CHD9: variants seen among roughly 807,000 people sequenced by gnomAD.
CHD9 encodes the protein chromodomain helicase DNA binding protein 9, also known as ATP-dependent chromatin remodeler CHD9.
CHD9 carries 77 observed loss-of-function variants against 316.1 expected under a neutral mutation model. The observed-to-expected ratio is 0.24, with a 90% CI of 0.20 to 0.29. CHD9 has a LOEUF of 0.29. Ranked by LOEUF, CHD9 falls within the 10% of genes least tolerant of loss-of-function variation. The probability of loss-of-function intolerance (pLI) is 1.00; values close to 1 mark genes in which losing one functional copy is unlikely to be tolerated. For missense variants in CHD9, 2,763 were observed against 3,438.1 expected, an observed-to-expected ratio of 0.80 and a Z score of 4.91; for synonymous variants, 1,129 against 1,158.3, an observed-to-expected ratio of 0.97 and a Z score of 0.51.
intron 20 of CHD9, 29 bp from the exon 21 acceptor site, chr16:53,267,265 C>T: frequency 2.0e-6 from 3 of 1,470,838 alleles, no homozygotes; most frequent in Non-Finnish European, 9.1e-7. Context: ...ATAAAAGTAC[C>T]TTCAGGTAAT....
At chr16:53,140,693 T>C (rs1430337643) in intron 1 of CHD9, among the ~76,000 whole-genome samples, 1 of 152,276 alleles carries the variant, frequency 6.6e-6, no homozygotes, top group African/African-American at 2.4e-5. Flanking sequence ...GCTCAAATGA[T>C]TCTCTAACCT....
chr16:53,289,235 GT>G (rs1168431120), intron 27 of CHD9, among the ~76,000 whole-genome samples: 1 of 152,050 alleles, frequency 6.6e-6, no homozygotes, highest in Non-Finnish European at 1.5e-5. Flanking sequence ...CTAGAAAGAT[GT>G]GAAAAAGATG....
At chr16:53,160,030 A>G (rs2041801912) in intron 2 of CHD9, among the ~76,000 whole-genome samples, 1 of 152,136 alleles carries the variant, frequency 6.6e-6, no homozygotes, top group Non-Finnish European at 1.5e-5. Flanking sequence ...TTTTTATGAC[A>G]TGAGTTGAGT....
At chr16:53,253,781 A>G (rs987404370) in intron 17 of CHD9, among the ~76,000 whole-genome samples, 1 of 152,152 alleles carries the variant, frequency 6.6e-6, no homozygotes, top group African/African-American at 2.4e-5. Flanking sequence ...GCAAGTCCCC[A>G]TGTCTAAAAA....
chr16:53,086,688 A>T lies in CHD9; in HGVS notation c.-165+31611A>T, dbSNP rs117095076. 3.5e-3 allele frequency among the ~76,000 whole-genome samples: 528 copies of T among 152,330 alleles called. 9 individuals carry two copies. The highest frequency in any genetic ancestry group is 0.016 in the East Asian group (85 of 5,184). On this transcript the variant is annotated intron_variant, in intron 1 of 38. Transcript: ENST00000447540. The stretch of plus-strand genomic sequence containing the variant: ...AAGAAGAAAGCACAAAATGTTTTTT[A>T]TTATTCATTATCCTTTTAAAAATTA...
chr16:53,305,093 G>T (rs892203115), intron 31 of CHD9, among the ~76,000 whole-genome samples: 5 of 148,450 alleles, frequency 3.4e-5, no homozygotes, highest in African/African-American at 1.2e-4. Flanking sequence ...ACGGAGTCTC[G>T]CTCTGTCGCC....
intron 1 of CHD9, among the ~76,000 whole-genome samples, chr16:53,155,712 C>A (rs1365943485): frequency 6.6e-6 from 1 of 152,262 alleles, no homozygotes; most frequent in East Asian, 1.9e-4. Context: ...TTTCTACCCA[C>A]CCACCATGCC....
At chr16:53,204,058 T>TACACACAC (rs58259105) in intron 2 of CHD9, among the ~76,000 whole-genome samples, 115 of 63,008 alleles carry the variant, frequency 1.8e-3, no homozygotes, top group Non-Finnish European at 3.9e-3. Flanking sequence ...AATATATATA[T>TACACACAC]ACACACACAC....
intron 1 of CHD9, among the ~76,000 whole-genome samples, chr16:53,071,629 G>C (rs1412980578): frequency 6.6e-6 from 1 of 152,142 alleles, no homozygotes; most frequent in Non-Finnish European, 1.5e-5. Flanking sequence ...AAAGCCTCAG[G>C]CTAGAAGACC....
rs1269427824 is a variant in CHD9, at chr16:53,314,430, C to T, written c.7276C>T (p.Pro2426Ser). 6.3e-7 allele frequency: 1 copy of T among 1,589,232 alleles called. No individual in the cohort carries two copies. The highest frequency in any genetic ancestry group is 1.8e-5 in the Admixed American group (1 of 56,392). The change falls in exon 35 of 39, where the codon CCT becomes TCT. Residue 2426 changes from proline (P) to serine (S), a missense_variant. Pro to Ser is a moderately conservative substitution (Grantham distance 74). Around this residue, in one of 15 missense-constraint regions of CHD9, gnomAD observed 663 missense variants for 751.2 expected, o/e 0.88. Transcript: ENST00000447540. ...GANGVILDNQPIVKKRRGRRK... is the reference protein window; with the variant it reads ...GANGVILDNQSIVKKRRGRRK... ...CAATGGTGTGATATTAGACAACCAG[C>T]CTATAGTCAAAAAAAGGCGAGGAAG...
intron 1 of CHD9, among the ~76,000 whole-genome samples, chr16:53,119,983 T>C (rs888236701): frequency 6.6e-6 from 1 of 151,946 alleles, no homozygotes; most frequent in African/African-American, 2.4e-5. Context: ...CCTAGTGCTT[T>C]GGGAGGCTGA....
At position 53,304,477 on chromosome 16, in the gene CHD9, C is replaced by T. The variant is rs767215642; in HGVS notation, c.6471C>T (p.Ser2157=). The change falls in exon 31 of 39, where the codon TCC becomes TCT. Residue 2157 remains serine (S), a synonymous_variant. Transcript: ENST00000447540. The part of the protein sequence containing the change: ...SSSSSSSSSC[S]HSRSGSSSSS... ...CTTCCTCATCATCCTCTTCTTGCTC[C>T]CACTCTCGATCAGGCTCTAGTTCTT... The T allele has an allele frequency of 6.4e-7, 1 of 1,560,846 alleles. No homozygotes were observed. The highest frequency in any genetic ancestry group is 1.2e-5 in the South Asian group (1 of 84,634).
chr16:53,245,796 G>A lies in CHD9; in HGVS notation c.3400G>A (p.Val1134Ile). Residue 1134 changes from valine to isoleucine, a missense_variant, in exon 15 of 39, where the codon GTC (valine) becomes ATC (isoleucine). Coordinates refer to ENST00000447540, the MANE Select transcript of CHD9 (RefSeq NM_001308319.2). This position sits in a 1 kb window ranked among gnomAD's most constrained non-coding sequence, Gnocchi z 4.1. ...GAGQTNVPNLVNTMMELRKCC... is the reference protein window; with the variant it reads ...GAGQTNVPNLINTMMELRKCC... ...AGGACAAACTAATGTACCTAACTTG[G>A]TCAATACCATGATGGAGCTCAGGAA... is the stretch of plus-strand genomic sequence containing the variant. 1 of 1,581,046 alleles carries A rather than the reference G, an allele frequency of 6.3e-7. No homozygotes were observed. The highest frequency in any genetic ancestry group is 8.6e-7 in the Non-Finnish European group (1 of 1,166,224).
chr16:53,227,770 T>C lies in CHD9; in HGVS notation c.2168+167T>C, dbSNP rs1200933705. On this transcript the variant is annotated intron_variant, in intron 7 of 38. Coordinates refer to ENST00000447540, the MANE Select transcript of CHD9 (RefSeq NM_001308319.2). ...TCATTAAAAAGTGGAAAAGGGCCCATTTGAAAACCTTTCATGTTAAAATTG... is the reference window on the plus strand; with the variant it reads ...TCATTAAAAAGTGGAAAAGGGCCCACTTGAAAACCTTTCATGTTAAAATTG... The C allele has an allele frequency of 1.5e-5, 3 of 197,676 alleles. No individual in the cohort carries two copies. The East Asian group carries it at 3.4e-4, about 22-fold the overall frequency. 12.2% of individuals were successfully genotyped at this position (197,676 alleles called of 1,614,324 possible).
chr16:53,185,776 G>A (rs2043947061), intron 2 of CHD9, among the ~76,000 whole-genome samples: 1 of 152,216 alleles, frequency 6.6e-6, no homozygotes, highest in Non-Finnish European at 1.5e-5. Flanking sequence ...TGGCTAAGAG[G>A]GGCCAACGTA....
intron 1 of CHD9, among the ~76,000 whole-genome samples, chr16:53,141,730 G>C (rs2152707871): frequency 6.6e-6 from 1 of 152,184 alleles, no homozygotes; most frequent in East Asian, 1.9e-4. Context: ...TGTTTAGTAG[G>C]GATAAAGTAG....
chr16:53,094,733 G>A (rs1457144886), intron 1 of CHD9, among the ~76,000 whole-genome samples: 1 of 149,270 alleles, frequency 6.7e-6, no homozygotes, highest in African/African-American at 2.5e-5. Flanking sequence ...TCTGCCTCCC[G>A]GGTTCAAGTG....
chr16:53,175,628 C>T (rs1167562925), intron 2 of CHD9, among the ~76,000 whole-genome samples: 1 of 152,134 alleles, frequency 6.6e-6, no homozygotes, highest in Non-Finnish European at 1.5e-5. Context: ...GTATGATAAG[C>T]ATCTTTATAG....
intron 1 of CHD9, among the ~76,000 whole-genome samples, chr16:53,105,320 A>G (rs1199482469): frequency 6.6e-6 from 1 of 151,968 alleles, no homozygotes; most frequent in African/African-American, 2.4e-5. Context: ...TATTTCATAT[A>G]TATGTATGTA....
Sources: gnomAD v4.1 joint callset for allele counts (sites outside exome capture counted in the v4.1 genomes callset) on GRCh38, gnomAD v4.1.1 for gene constraint, gnomAD v4.1.1 regional missense constraint, Gnocchi (gnomAD v3.1) non-coding constraint, MANE v1.5 for transcripts, NCBI Gene and HGNC (gene_info 2026-07-23, HGNC 2026-07-21) for gene names.